Variants in FOXP2 observed in about 807,000 individuals in gnomAD.
FOXP2 encodes the protein forkhead box P2.
FOXP2 carries 12 observed loss-of-function variants against 115.8 expected under a neutral mutation model. The observed-to-expected ratio is 0.10, with a 90% confidence interval of 0.07 to 0.17. FOXP2 has a LOEUF of 0.17. FOXP2 is among the 10% of genes least tolerant of loss of function. The pLI is 1.00. For synonymous variants in FOXP2, 328 were observed against 297.7 expected (o/e 1.10, Z -1.05); for missense variants, 629 against 843.5 (o/e 0.75, Z 3.15).
intron 3 of FOXP2, among the ~76,000 whole-genome samples, chr7:114,571,702 T>C (rs1259170385): frequency 6.6e-6 from 1 of 151,902 alleles, no homozygotes; most frequent in Non-Finnish European, 1.5e-5. Flanking sequence ...ATACAGCATT[T>C]ATTTTACATT....
At chr7:114,388,301 A>G (rs1272999203) in intron 2 of FOXP2, among the ~76,000 whole-genome samples, 39 of 151,888 alleles carry the variant, frequency 2.6e-4, no homozygotes, top group Admixed American at 2.6e-3. Flanking sequence ...ACATATTTCA[A>G]TCCTGTTATA....
intron 3 of FOXP2, among the ~76,000 whole-genome samples, chr7:114,545,816 T>C (rs1193253025): frequency 6.6e-6 from 1 of 152,198 alleles, no homozygotes; most frequent in African/African-American, 2.4e-5. Context: ...TTTTTGCATC[T>C]TTTAAATTTC....
chr7:114,654,056 A>G, intron 10 of FOXP2, 47 bp downstream of exon 10: 1 of 1,612,316 alleles, frequency 6.2e-7, no homozygotes, highest in African/African-American at 1.3e-5. Context: ...TACCAATGTA[A>G]CAGACTAAGA....
intron 2 of FOXP2, among the ~76,000 whole-genome samples, chr7:114,446,787 C>T (rs1463171602): frequency 6.7e-6 from 1 of 148,624 alleles, no homozygotes; most frequent in African/African-American, 2.5e-5. Flanking sequence ...TTCTGTAGCT[C>T]AGGCTGGAGT....
intron 1 of FOXP2, among the ~76,000 whole-genome samples, chr7:114,135,337 A>G (rs1275810668): frequency 6.6e-6 from 1 of 152,114 alleles, no homozygotes; most frequent in East Asian, 1.9e-4. Context: ...GGTAAAAGCA[A>G]AATTTATTTT....
At chr7:114,222,626 T>C (rs1165107938) in intron 1 of FOXP2, among the ~76,000 whole-genome samples, 1 of 152,232 alleles carries the variant, frequency 6.6e-6, no homozygotes, top group Admixed American at 6.5e-5. Flanking sequence ...TATAAGGTTG[T>C]AGTAGAAGAA....
intron 1 of FOXP2, among the ~76,000 whole-genome samples, chr7:114,138,041 A>T (rs1792089834): frequency 6.6e-6 from 1 of 152,184 alleles, no homozygotes; most frequent in Non-Finnish European, 1.5e-5. Flanking sequence ...GAAAATAAGG[A>T]AATGCTTTTT....
intron 2 of FOXP2, among the ~76,000 whole-genome samples, chr7:114,478,106 A>G (rs1368140695): frequency 6.6e-6 from 1 of 151,928 alleles, no homozygotes; most frequent in African/African-American, 2.4e-5. Context: ...GTTTTTAAAA[A>G]CAAAGAGCAT....
intron 2 of FOXP2, among the ~76,000 whole-genome samples, chr7:114,354,798 A>G (rs890740685): frequency 4.2e-4 from 64 of 152,212 alleles, no homozygotes; most frequent in African/African-American, 1.5e-3. Context: ...TATATGTGAA[A>G]AAAGGTTCAA....
chr7:114,240,519 T>A lies in FOXP2; in HGVS notation c.-101-47500T>A, dbSNP rs376167189. Among the ~76,000 whole-genome samples, 244 of 152,210 alleles carry A rather than the reference T, an allele frequency of 1.6e-3. 14 individuals are homozygous for A. In the South Asian group the frequency reaches 0.05, roughly 31 times the overall value. On this transcript the variant is annotated intron_variant, in intron 1 of 17. Coordinates refer to the FOXP2 transcript ENST00000634411. ...CGTTTTGTTATATGTTTTTTGTTTGTTTCTTAAAGAAGATATTCTTTATTT... is the reference window on the plus strand; with the variant it reads ...CGTTTTGTTATATGTTTTTTGTTTGATTCTTAAAGAAGATATTCTTTATTT...
intron 3 of FOXP2, among the ~76,000 whole-genome samples, chr7:114,591,221 C>A (rs1802421957): frequency 6.6e-6 from 1 of 152,120 alleles, no homozygotes; most frequent in Non-Finnish European, 1.5e-5. Flanking sequence ...GTAACACATG[C>A]ACCCAAATTA....
At chr7:114,334,469 A>G (rs919666018) in intron 2 of FOXP2, among the ~76,000 whole-genome samples, 3 of 152,064 alleles carry the variant, frequency 2.0e-5, no homozygotes, top group African/African-American at 7.2e-5. Flanking sequence ...TTTCATATTT[A>G]AGCATTATTA....
intron 2 of FOXP2, among the ~76,000 whole-genome samples, chr7:114,311,035 A>G (rs1440200486): frequency 2.6e-5 from 4 of 152,020 alleles, no homozygotes; most frequent in Admixed American, 6.6e-5. Flanking sequence ...CACTCGACCA[A>G]TTTCGGAGAT....
rs1339286790 is a variant in FOXP2, at chr7:114,550,367, C to T, written c.258+15661C>T. On this transcript the variant is annotated intron_variant, in intron 3 of 16. Coordinates refer to ENST00000350908, the MANE Select transcript of FOXP2 (RefSeq NM_014491.4). Reference sequence around the variant, plus strand: ...CCTTGACCTCGTGATCCACCTGCCTCGGCCTCCCAAAGTGCTGGGATTACA... The same window carrying T: ...CCTTGACCTCGTGATCCACCTGCCTTGGCCTCCCAAAGTGCTGGGATTACA... 2.6e-5 allele frequency among the ~76,000 whole-genome samples: 4 copies of T among 152,052 alleles called. No homozygotes were observed. The highest frequency in any genetic ancestry group is 4.8e-5 in the African/African-American group (2 of 41,414).
intron 8 of FOXP2, among the ~76,000 whole-genome samples, chr7:114,647,853 G>A (rs563950094): frequency 6.6e-6 from 1 of 151,942 alleles, no homozygotes; most frequent in South Asian, 2.1e-4. Context: ...ATTCCATTTA[G>A]CAGACAAGTG....
rs564176702 is a variant in FOXP2 at position 114,386,109 on chromosome 7, G to A, written c.-10-40393G>A. On this transcript the variant is annotated intron_variant, in intron 2 of 17. Coordinates refer to the FOXP2 transcript ENST00000634411. Reference sequence around the variant, plus strand: ...AGTCTCGCCGTATCAGGAGCTCAGCGGACACCCTGCCGGATCCAGAGGGAT... The same window carrying A: ...AGTCTCGCCGTATCAGGAGCTCAGCAGACACCCTGCCGGATCCAGAGGGAT... Among the ~76,000 whole-genome samples the A allele has an allele frequency of 6.6e-5, 10 of 152,286 alleles. No individual in the cohort carries two copies. The South Asian group carries it at 1.7e-3, about 25-fold the overall frequency.
At chr7:114,497,978 T>A (rs1158669619) in intron 2 of FOXP2, among the ~76,000 whole-genome samples, 2 of 152,166 alleles carry the variant, frequency 1.3e-5, no homozygotes, top group African/African-American at 4.8e-5. Context: ...TGACTACAGG[T>A]TGACTTGAAT....
At chr7:114,194,450 AT>A (rs879615544) in intron 1 of FOXP2, among the ~76,000 whole-genome samples, 147 of 150,184 alleles carry the variant, frequency 9.8e-4, no homozygotes, top group African/African-American at 2.6e-3. Context: ...TATTTCATTG[AT>A]TTTTTTTTGT....
At chr7:114,155,507 C>T (rs1207250055) in intron 1 of FOXP2, among the ~76,000 whole-genome samples, 2 of 152,098 alleles carry the variant, frequency 1.3e-5, no homozygotes, top group East Asian at 3.9e-4. Flanking sequence ...AAAGCTGTCT[C>T]TTGTGAGGAA....
Sources: gnomAD v4.1 joint callset for allele counts (sites outside exome capture counted in the v4.1 genomes callset) on GRCh38, gnomAD v4.1.1 for gene constraint, MANE v1.5 for transcripts, NCBI Gene and HGNC (gene_info 2026-07-23, HGNC 2026-07-21) for gene names.